The following DNAAF4 variants were observed in gnomAD, a reference collection of about 807,000 sequenced individuals.
DNAAF4 encodes dynein assembly factor 4, axonemal.
DNAAF4 carries 43 observed loss-of-function variants against 51.8 expected under a neutral mutation model. That is an observed-to-expected ratio of 0.83 (90% confidence interval 0.65 to 1.07). The LOEUF is 1.07. Ranked by LOEUF, DNAAF4 falls within the 50% of genes least tolerant of loss-of-function variation. The probability of loss-of-function intolerance (pLI) is 0.00; values close to 1 mark genes in which losing one functional copy is unlikely to be tolerated. For synonymous variants in DNAAF4, 194 were observed against 165.6 expected (o/e 1.17, Z -1.32); for missense variants, 581 against 493.0 (o/e 1.18, Z -1.69).
chr15:55,433,838 T>TTA lies in DNAAF4; in HGVS notation c.1047+1065_1047+1066dup, dbSNP rs1458092275. Among the ~76,000 whole-genome samples the TTA allele has an allele frequency of 1.2e-3, 81 of 68,768 alleles. 1 individual carries two copies. The highest frequency in any genetic ancestry group is 1.6e-3 in the Non-Finnish European group (57 of 35,942). The allele number at this position is 68,768 out of a possible 152,430, so 45.1% of individuals were successfully genotyped here. ...ATATATATTATATATATTACATATA[T>TTA]TATATATTATATATATTATAATATA... is the stretch of plus-strand genomic sequence containing the variant. On this transcript the variant is annotated intron_variant, in intron 8 of 9. Coordinates refer to ENST00000321149, the MANE Select transcript of DNAAF4 (RefSeq NM_130810.4).
downstream of DNAAF4, among the ~76,000 whole-genome samples, chr15:55,426,662 C>T (rs191935909): frequency 2.0e-5 from 3 of 152,114 alleles, no homozygotes; most frequent in African/African-American, 4.8e-5. Context: ...TCAGGTGATC[C>T]GCCCATCTCA....
intron 4 of DNAAF4, among the ~76,000 whole-genome samples, chr15:55,487,436 T>C (rs753119311): frequency 2.2e-4 from 34 of 152,162 alleles, no homozygotes; most frequent in Non-Finnish European, 1.2e-4. Context: ...CCGCAGGACA[T>C]AGACGGGGAC....
At chr15:55,473,341 A>G in intron 4 of DNAAF4, among the ~76,000 whole-genome samples, 1 of 143,378 alleles carries the variant, frequency 7.0e-6, no homozygotes, top group Non-Finnish European at 1.5e-5. Context: ...ATGTGTGTAT[A>G]TATATGTGTG....
chr15:55,473,490 G>A (rs2058296207), intron 4 of DNAAF4, among the ~76,000 whole-genome samples: 1 of 150,500 alleles, frequency 6.6e-6, no homozygotes, highest in Non-Finnish European at 1.5e-5. Context: ...AATCAAATAG[G>A]GGTAACTTAA....
At chr15:55,422,721 G>C (rs143135743) in intron 7 of DNAAF4, among the ~76,000 whole-genome samples, 5 of 152,142 alleles carry the variant, frequency 3.3e-5, no homozygotes, top group Non-Finnish European at 4.4e-5. Context: ...ACAAGGCCAG[G>C]CTCGAAGGCT....
Position 55,448,958 on chromosome 15 carries a change from A to C in DNAAF4, c.783+1264T>G, listed in dbSNP as rs1595907099. Among the ~76,000 whole-genome samples the C allele has an allele frequency of 2.6e-5, 4 of 151,614 alleles. No individual in the cohort carries two copies. The East Asian group carries it at 7.7e-4, about 29-fold the overall frequency. On this transcript the variant is annotated intron_variant, in intron 6 of 9. Coordinates refer to ENST00000321149, the MANE Select transcript of DNAAF4 (RefSeq NM_130810.4). ...GAAAATACCTTGTTTAATAATATGA[A>C]ATAATTATTTATATTGTCATTATGT... is the stretch of plus-strand genomic sequence containing the variant.
chr15:55,421,349 A>C (rs2057386669), intron 7 of DNAAF4, among the ~76,000 whole-genome samples: 2 of 151,836 alleles, frequency 1.3e-5, no homozygotes, highest in African/African-American at 4.8e-5. Context: ...AAAAATACAA[A>C]ATGCTTAGCC....
At chr15:55,503,883 C>G (rs2141613745) in intron 1 of DNAAF4, among the ~76,000 whole-genome samples, 1 of 152,280 alleles carries the variant, frequency 6.6e-6, no homozygotes, top group East Asian at 1.9e-4. Flanking sequence ...GATGCCCTCT[C>G]TCACCACTCC....
chr15:55,505,937 T>C (rs1038139227), intron 1 of DNAAF4, among the ~76,000 whole-genome samples: 1 of 152,174 alleles, frequency 6.6e-6, no homozygotes, highest in Non-Finnish European at 1.5e-5. Context: ...GTAGCTGTTG[T>C]ACATTTTATC....
rs149432757 is a variant in DNAAF4 at position 55,432,127 on chromosome 15, G to C, written c.1153+370C>G. Reference sequence around the variant, plus strand: ...TGTGCCACTACGCCAAGCTAATTTTGTGTTTTTAGTAGAGGGTTTCTCCAT... The same window carrying C: ...TGTGCCACTACGCCAAGCTAATTTTCTGTTTTTAGTAGAGGGTTTCTCCAT... On this transcript the variant is annotated intron_variant, in intron 9 of 9. Coordinates refer to ENST00000321149, the MANE Select transcript of DNAAF4 (RefSeq NM_130810.4). Among the ~76,000 whole-genome samples, 530 of 151,770 alleles carry C rather than the reference G, an allele frequency of 3.5e-3. 3 individuals are homozygous for C. The highest frequency in any genetic ancestry group is 5.8e-3 in the Non-Finnish European group (397 of 67,906).
chr15:55,461,019 C>A (rs1331865072), intron 5 of DNAAF4, among the ~76,000 whole-genome samples: 1 of 152,000 alleles, frequency 6.6e-6, no homozygotes, highest in Non-Finnish European at 1.5e-5. Context: ...CCTTCCCTGG[C>A]CTCCCAAAGT....
At chr15:55,472,904 G>A (rs992536253) in intron 4 of DNAAF4, among the ~76,000 whole-genome samples, 5 of 151,870 alleles carry the variant, frequency 3.3e-5, no homozygotes, top group African/African-American at 7.3e-5. Flanking sequence ...GGAGGCTCAC[G>A]CCTGTAAACC....
intron 6 of DNAAF4, among the ~76,000 whole-genome samples, chr15:55,441,717 T>C (rs1218974918): frequency 6.6e-6 from 1 of 152,214 alleles, no homozygotes; most frequent in Non-Finnish European, 1.5e-5. Flanking sequence ...TCCAGCTTCA[T>C]CCATGTCCCT....
At chr15:55,474,871 C>T (rs755309599) in intron 4 of DNAAF4, among the ~76,000 whole-genome samples, 1 of 152,022 alleles carries the variant, frequency 6.6e-6, no homozygotes, top group Non-Finnish European at 1.5e-5. Flanking sequence ...CCCAGCTACT[C>T]TGGAGGCTGA....
At chr15:55,456,712 G>A (rs2058026126) in intron 5 of DNAAF4, among the ~76,000 whole-genome samples, 1 of 152,194 alleles carries the variant, frequency 6.6e-6, no homozygotes, top group Non-Finnish European at 1.5e-5. Context: ...GGGAAGAAAA[G>A]GTCAGTCTCT....
At chr15:55,427,098 G>A (rs563744043), downstream of DNAAF4, among the ~76,000 whole-genome samples, 47 of 152,010 alleles carry the variant, frequency 3.1e-4, no homozygotes, top group African/African-American at 7.7e-4. Flanking sequence ...AGACAGTCTC[G>A]CTCTGTCGCC....
At chr15:55,498,167 C>T (rs772621215) in intron 2 of DNAAF4, 40 bp downstream of exon 2, 1 of 1,613,876 alleles carries the variant, frequency 6.2e-7, no homozygotes, top group South Asian at 1.1e-5. Context: ...AGCTTCGGAC[C>T]ACACCCCCGG....
At chr15:55,460,529 T>C (rs995758617) in intron 5 of DNAAF4, among the ~76,000 whole-genome samples, 1 of 152,052 alleles carries the variant, frequency 6.6e-6, no homozygotes, top group African/African-American at 2.4e-5. Flanking sequence ...AGAAATGAGA[T>C]AGCACCACAA....
chr15:55,436,925 A>G (rs560394292), intron 7 of DNAAF4, among the ~76,000 whole-genome samples: 6 of 151,890 alleles, frequency 4.0e-5, no homozygotes, highest in African/African-American at 1.2e-4. Flanking sequence ...GGTTCAAGCA[A>G]TTCTCCTGCC....
Sources: allele counts gnomAD v4.1 joint callset (sites outside exome capture counted in the v4.1 genomes callset), GRCh38; gene constraint gnomAD v4.1.1; transcripts MANE v1.5; gene names NCBI Gene and HGNC (gene_info 2026-07-23, HGNC 2026-07-21).